Variants in MTMR7 observed in about 807,000 individuals in gnomAD.
MTMR7 encodes phosphatidylinositol-3-phosphate phosphatase MTMR7.
In MTMR7, 76 loss-of-function variants were observed where a neutral mutation model predicts 81.2. The observed-to-expected ratio is 0.94, with a 90% confidence interval of 0.78 to 1.13. The LOEUF (loss-of-function observed/expected upper bound fraction) is 1.13, where lower values mean the gene tolerates loss of function less well. Among genes scored for constraint, MTMR7 ranks in the 50% most tolerant of loss-of-function variants. The pLI is 0.00. For synonymous variants in MTMR7, 372 were observed against 289.8 expected (o/e 1.28, Z -2.88); for missense variants, 1,044 against 820.0 (o/e 1.27, Z -3.34).
chr8:17,407,366 CAT>C (rs1275761275), intron 1 of MTMR7, among the ~76,000 whole-genome samples: 17 of 152,114 alleles, frequency 1.1e-4, no homozygotes, highest in African/African-American at 4.1e-4. Context: ...TAGTAAGAAA[CAT>C]AGTCTATATT....
chr8:17,375,364 A>C (rs756568879), intron 1 of MTMR7, among the ~76,000 whole-genome samples: 4 of 152,106 alleles, frequency 2.6e-5, no homozygotes, highest in African/African-American at 7.2e-5. Flanking sequence ...GGTATTATAA[A>C]TATCTGTACT....
At chr8:17,377,603 T>A (rs547002261) in intron 1 of MTMR7, among the ~76,000 whole-genome samples, 2 of 152,248 alleles carry the variant, frequency 1.3e-5, no homozygotes, top group African/African-American at 4.8e-5. Context: ...GTTTCTAAAT[T>A]TTCAGATTTC....
rs74382133 is a variant in MTMR7 at position 17,400,901 on chromosome 8, C to T, written c.24+12368G>A. Among the ~76,000 whole-genome samples the T allele has an allele frequency of 6.1e-4, 93 of 152,270 alleles. No homozygotes were observed. The East Asian group carries it at 7.5e-3, about 12-fold the overall frequency. ...TTGTGATTAAACATTCCTCAAAAAT[C>T]GCCCACATTTCATGAAATCCTCACT... On this transcript the variant is annotated intron_variant, in intron 1 of 13. Transcript: ENST00000180173.
rs1253092119 is a variant in MTMR7, at chr8:17,311,646, A to G, written c.976-10T>C. ...CTTCCTCTGACACTGCCTAGAAAAC[A>G]CACGATCCGCAAAGAGTCACAAAGA... On this transcript the variant is annotated splice_polypyrimidine_tract_variant and intron_variant, in intron 8 of 13. Transcript: ENST00000180173. 2.4e-5 allele frequency: 38 copies of G among 1,613,934 alleles called. No homozygotes were observed. The highest frequency in any genetic ancestry group is 3.1e-5 in the Non-Finnish European group (37 of 1,179,994).
chr8:17,393,159 A>C (rs1331103120), intron 1 of MTMR7, among the ~76,000 whole-genome samples: 2 of 152,212 alleles, frequency 1.3e-5, no homozygotes, highest in African/African-American at 4.8e-5. Context: ...AAGGGTATGA[A>C]GACAATTAAA....
chr8:17,302,390 G>A (rs1275795166), intron 12 of MTMR7, 110 bp from the exon 13 acceptor site: 7 of 1,231,552 alleles, frequency 5.7e-6, no homozygotes, highest in Non-Finnish European at 7.6e-6. Context: ...ATAACCAAAT[G>A]CAAATTTCAG....
At position 17,385,356 on chromosome 8, in the gene MTMR7, C is replaced by T. The variant is rs574127808; in HGVS notation, c.25-12116G>A. Among the ~76,000 whole-genome samples, 9 of 151,900 alleles carry T rather than the reference C, an allele frequency of 5.9e-5. No homozygotes were observed. In the South Asian group the frequency reaches 1.7e-3, roughly 28 times the overall value. On this transcript the variant is annotated intron_variant, in intron 1 of 13. Coordinates refer to ENST00000180173, the MANE Select transcript of MTMR7 (RefSeq NM_004686.5). ...TGTAGCTCTCCCAATCCCCGCATGC[C>T]GTGGGAGGGACCTGGTGGGAGGTAA...
At chr8:17,301,994 G>A in intron 13 of MTMR7, 160 bp downstream of exon 13, 1 of 898,096 alleles carries the variant, frequency 1.1e-6, no homozygotes, top group Non-Finnish European at 1.6e-6. Flanking sequence ...TTGGGCTTCG[G>A]TTATCTGAGT....
chr8:17,329,952 G>T (rs17687618), intron 7 of MTMR7, among the ~76,000 whole-genome samples: 1 of 152,068 alleles, frequency 6.6e-6, no homozygotes, highest in Non-Finnish European at 1.5e-5. Context: ...GATGTAGGAA[G>T]GGATTTCTGC....
intron 6 of MTMR7, among the ~76,000 whole-genome samples, chr8:17,337,804 G>A (rs1819293753): frequency 6.6e-6 from 1 of 152,098 alleles, no homozygotes; most frequent in Non-Finnish European, 1.5e-5. Flanking sequence ...TTTTTGTAGA[G>A]ATGGGGGTCT....
At chr8:17,373,729 G>C (rs1300914943) in intron 1 of MTMR7, among the ~76,000 whole-genome samples, 2 of 152,100 alleles carry the variant, frequency 1.3e-5, no homozygotes, top group African/African-American at 4.8e-5. Context: ...ATACATACGG[G>C]AGAAAAAAGT....
chr8:17,359,854 A>G (rs1455049061), intron 4 of MTMR7, among the ~76,000 whole-genome samples: 2 of 152,212 alleles, frequency 1.3e-5, no homozygotes, highest in East Asian at 3.8e-4. Flanking sequence ...ACAATTGAGA[A>G]TTCATAGACA....
At chr8:17,355,069 T>A (rs1819847593) in intron 4 of MTMR7, among the ~76,000 whole-genome samples, 1 of 152,142 alleles carries the variant, frequency 6.6e-6, no homozygotes, top group Non-Finnish European at 1.5e-5. Context: ...TATATATGAG[T>A]CATGTTTATG....
chr8:17,389,137 C>T (rs1428342072), intron 1 of MTMR7, among the ~76,000 whole-genome samples: 1 of 152,130 alleles, frequency 6.6e-6, no homozygotes, highest in African/African-American at 2.4e-5. Context: ...ATACTCACCT[C>T]CAGCCTGACA....
At chr8:17,386,107 G>A (rs1298703698) in intron 1 of MTMR7, among the ~76,000 whole-genome samples, 1 of 152,166 alleles carries the variant, frequency 6.6e-6, no homozygotes, top group African/African-American at 2.4e-5. Context: ...CAGGAGCAGT[G>A]GCTCACACTT....
chr8:17,317,251 G>A (rs559856604), intron 7 of MTMR7, among the ~76,000 whole-genome samples: 8 of 152,300 alleles, frequency 5.3e-5, no homozygotes, highest in Non-Finnish European at 8.8e-5. Flanking sequence ...TGGCAGTGCC[G>A]TGTGCCGTGT....
At chr8:17,354,988 T>G (rs1019267270) in intron 4 of MTMR7, among the ~76,000 whole-genome samples, 4 of 152,228 alleles carry the variant, frequency 2.6e-5, no homozygotes, top group African/African-American at 9.7e-5. Flanking sequence ...TGTTTTGCTG[T>G]GTGTTGCTTC....
At chr8:17,342,385 C>A (rs772661596) in intron 5 of MTMR7, among the ~76,000 whole-genome samples, 22 of 152,184 alleles carry the variant, frequency 1.4e-4, no homozygotes, top group Non-Finnish European at 1.9e-4. Context: ...CAGGCAGTGA[C>A]AGAACCCCTC....
chr8:17,373,324 C>T (rs1246582565), intron 1 of MTMR7, 84 bp from the exon 2 acceptor site: 2 of 1,459,882 alleles, frequency 1.4e-6, no homozygotes. Flanking sequence ...TAAACTCACA[C>T]TTACTCCAAA....
Sources: allele counts gnomAD v4.1 joint callset (sites outside exome capture counted in the v4.1 genomes callset), GRCh38; gene constraint gnomAD v4.1.1; transcripts MANE v1.5; gene names NCBI Gene and HGNC (gene_info 2026-07-23, HGNC 2026-07-21).